Variants in SRRM4 observed in about 807,000 individuals in gnomAD.
The protein encoded by SRRM4 is serine/arginine repetitive matrix protein 4.
Under a neutral mutation model 68.9 loss-of-function variants are expected in SRRM4, and 33 were observed. The observed-to-expected ratio is 0.48, with a 90% CI of 0.36 to 0.64. The LOEUF is 0.64. Ranked by LOEUF, SRRM4 falls within the 30% of genes least tolerant of loss-of-function variation. The probability of loss-of-function intolerance (pLI) is 0.00; values close to 1 mark genes in which losing one functional copy is unlikely to be tolerated. For synonymous variants in SRRM4, 318 were observed against 318.8 expected (o/e 1.00, Z 0.03); for missense variants, 817 against 827.1 (o/e 0.99, Z 0.15).
intron 2 of SRRM4, among the ~76,000 whole-genome samples, chr12:119,105,041 T>C (rs1954098624): frequency 7.1e-6 from 1 of 140,352 alleles, no homozygotes; most frequent in Admixed American, 7.8e-5. Context: ...CATTGTTCAA[T>C]TCCCACCTAT....
chr12:119,021,992 GACACAGGGAGGGGAACAACAC>G (rs1262863756), intron 1 of SRRM4, among the ~76,000 whole-genome samples: 2 of 151,946 alleles, frequency 1.3e-5, no homozygotes, highest in African/African-American at 4.8e-5. Flanking sequence ...CTAGATCCTT[GACACAGGGAGGGGAACAACAC>G]ACATTGGGGC....
intron 1 of SRRM4, among the ~76,000 whole-genome samples, chr12:119,065,042 T>G (rs960255433): frequency 6.6e-6 from 1 of 152,226 alleles, no homozygotes; most frequent in African/African-American, 2.4e-5. Flanking sequence ...ATATATATTA[T>G]GTATTATCTC....
intron 1 of SRRM4, among the ~76,000 whole-genome samples, chr12:119,024,845 ACT>A (rs1452414628): frequency 6.6e-6 from 1 of 151,936 alleles, no homozygotes. Context: ...AAAAACAAGG[ACT>A]CTCTGTGTCT....
intron 8 of SRRM4, among the ~76,000 whole-genome samples, chr12:119,136,206 C>T (rs183807742): frequency 1.3e-4 from 20 of 152,334 alleles, no homozygotes; most frequent in African/African-American, 3.8e-4. Context: ...AACTTCACAA[C>T]AACCCCAGGA....
Position 118,982,024 on chromosome 12 carries a change from C to G in SRRM4, c.131+11C>G. 1 of 1,603,910 alleles carries G rather than the reference C, an allele frequency of 6.2e-7. No homozygotes were observed. Among genetic ancestry groups the G allele is most frequent in the Non-Finnish European group, 8.5e-7 (1 of 1,175,262 alleles). On this transcript the variant is annotated intron_variant, in intron 1 of 12. Transcript: ENST00000267260. ...CAAGCCGCTGCCAAGGTAATGATCT[C>G]CTTCTTAGAAGGGGGGATCCTGAAG...
At chr12:118,995,316 T>C (rs1434581665) in intron 1 of SRRM4, among the ~76,000 whole-genome samples, 3 of 152,204 alleles carry the variant, frequency 2.0e-5, no homozygotes, top group African/African-American at 7.2e-5. Context: ...AGAATTTGAA[T>C]CCTGTGCTGC....
At chr12:119,125,342 T>C (rs1466852085) in intron 6 of SRRM4, 39 bp from the exon 7 acceptor site, 1 of 1,557,040 alleles carries the variant, frequency 6.4e-7, no homozygotes, top group South Asian at 1.1e-5. Context: ...TTACTCTCTC[T>C]CTCCTCTCCT....
At chr12:119,033,045 T>C (rs183950614) in intron 1 of SRRM4, among the ~76,000 whole-genome samples, 8 of 152,314 alleles carry the variant, frequency 5.3e-5, no homozygotes, top group Admixed American at 4.6e-4. Context: ...TATTGTTGAC[T>C]TTTTTCAAGA....
rs561413461 is a variant in SRRM4, at chr12:119,046,631, CCCAGGTCTTT to C, written c.132-55599_132-55590del. On this transcript the variant is annotated intron_variant, in intron 1 of 12. Coordinates refer to ENST00000267260, the MANE Select transcript of SRRM4 (RefSeq NM_194286.4). Reference sequence around the variant, plus strand: ...GTTGGCAGCAAAACCAGAATCAGAACCCAGGTCTTTCCAGGCCTCTCTGTTGCTGTTTTGT... The same window carrying C: ...GTTGGCAGCAAAACCAGAATCAGAACCCAGGCCTCTCTGTTGCTGTTTTGT... 1.6e-3 allele frequency among the ~76,000 whole-genome samples: 240 copies of C among 152,246 alleles called. 1 individual carries two copies. The highest frequency in any genetic ancestry group is 5.6e-3 in the African/African-American group (232 of 41,542).
At chr12:119,026,811 A>T (rs1251823196) in intron 1 of SRRM4, among the ~76,000 whole-genome samples, 1 of 152,158 alleles carries the variant, frequency 6.6e-6, no homozygotes, top group Admixed American at 6.5e-5. Flanking sequence ...TGCTGGGATT[A>T]CAGGCATGAG....
chr12:119,006,570 A>T (rs1953417675), intron 1 of SRRM4, among the ~76,000 whole-genome samples: 1 of 152,080 alleles, frequency 6.6e-6, no homozygotes, highest in African/African-American at 2.4e-5. Flanking sequence ...GCAATATGGG[A>T]TCCCTCCTGG....
chr12:119,137,298 T>A (rs1482475502), intron 8 of SRRM4, among the ~76,000 whole-genome samples: 1 of 152,200 alleles, frequency 6.6e-6, no homozygotes, highest in African/African-American at 2.4e-5. Context: ...CTTGATTGTA[T>A]TTTTGTATCC....
chr12:119,089,249 G>A (rs962637265), intron 1 of SRRM4, among the ~76,000 whole-genome samples: 2 of 152,190 alleles, frequency 1.3e-5, no homozygotes, highest in Non-Finnish European at 2.9e-5. Flanking sequence ...TCCTTTTGGA[G>A]CCACGGGGAA....
At chr12:119,021,829 T>C (rs186438493) in intron 1 of SRRM4, among the ~76,000 whole-genome samples, 13 of 152,358 alleles carry the variant, frequency 8.5e-5, no homozygotes, top group Admixed American at 8.5e-4. Context: ...TAGTCTATCA[T>C]TGATGGGCGT....
At chr12:119,017,124 A>G (rs1953486608) in intron 1 of SRRM4, among the ~76,000 whole-genome samples, 1 of 152,240 alleles carries the variant, frequency 6.6e-6, no homozygotes, top group Admixed American at 6.5e-5. Flanking sequence ...CCTAGTCTAT[A>G]AATCCCCTGA....
intron 1 of SRRM4, among the ~76,000 whole-genome samples, chr12:119,019,065 C>T (rs1450465930): frequency 1.3e-5 from 2 of 152,186 alleles, no homozygotes; most frequent in Non-Finnish European, 2.9e-5. Context: ...TGGTCCCCAA[C>T]CCTTCATAAC....
At chr12:119,040,256 A>T (rs1391330471) in intron 1 of SRRM4, among the ~76,000 whole-genome samples, 1 of 151,900 alleles carries the variant, frequency 6.6e-6, no homozygotes. Context: ...TACATGAGTA[A>T]GTTCTTTAGT....
chr12:119,036,281 G>A (rs568755455), intron 1 of SRRM4, among the ~76,000 whole-genome samples: 128 of 152,226 alleles, frequency 8.4e-4, no homozygotes, highest in African/African-American at 2.9e-3. Flanking sequence ...CAAAGATACC[G>A]CTGGATTCCA....
chr12:119,081,447 T>C (rs996009684), intron 1 of SRRM4, among the ~76,000 whole-genome samples: 6 of 152,152 alleles, frequency 3.9e-5, no homozygotes, highest in Non-Finnish European at 8.8e-5. Flanking sequence ...GGAGTGTAAC[T>C]GGTGCATCAG....
Sources: gnomAD v4.1 joint callset for allele counts (sites outside exome capture counted in the v4.1 genomes callset) on GRCh38, gnomAD v4.1.1 for gene constraint, MANE v1.5 for transcripts, NCBI Gene and HGNC (gene_info 2026-07-23, HGNC 2026-07-21) for gene names.